UBLCP1: variants seen among roughly 807,000 people sequenced by gnomAD.
UBLCP1 encodes ubiquitin-like domain-containing CTD phosphatase 1.
In UBLCP1, 28 loss-of-function variants were observed where a neutral mutation model predicts 42.4. That is an observed-to-expected ratio of 0.66 (90% CI 0.49 to 0.90). UBLCP1 has a LOEUF of 0.90. UBLCP1 is among the 40% of genes least tolerant of loss of function. The pLI, the probability that UBLCP1 is intolerant of heterozygous loss-of-function variation, is 0.00. For missense variants in UBLCP1, 279 were observed against 374.5 expected (o/e 0.75, Z 2.10); for synonymous variants, 122 against 120.8 (o/e 1.01, Z -0.07).
intron 3 of UBLCP1, 86 bp downstream of exon 3, chr5:159,270,085 T>G: frequency 8.4e-7 from 1 of 1,193,130 alleles, no homozygotes; most frequent in Non-Finnish European, 1.2e-6. Flanking sequence ...TTAATTGTGG[T>G]AAAATTGTCA....
chr5:159,272,723 T>C (rs758388995), intron 6 of UBLCP1, among the ~76,000 whole-genome samples: 7 of 152,248 alleles, frequency 4.6e-5, no homozygotes, highest in Non-Finnish European at 1.0e-4. Flanking sequence ...GAAAAATTAA[T>C]ATGTGGACTA....
chr5:159,269,842 T>G, intron 2 of UBLCP1, 66 bp from the exon 3 acceptor site: 9 of 1,274,454 alleles, frequency 7.1e-6, no homozygotes, highest in Non-Finnish European at 1.0e-5. Context: ...TAGGGTTTTA[T>G]ATAATGGAAT....
At chr5:159,272,170 T>C (rs1310239063) in intron 6 of UBLCP1, 49 bp downstream of exon 6, 1 of 1,415,670 alleles carries the variant, frequency 7.1e-7, no homozygotes, top group African/African-American at 1.4e-5. Flanking sequence ...GGTTGTTCCA[T>C]ATATTATTGT....
intron 9 of UBLCP1, among the ~76,000 whole-genome samples, chr5:159,282,299 A>G (rs998276780): frequency 1.3e-5 from 2 of 152,156 alleles, no homozygotes; most frequent in African/African-American, 4.8e-5. Flanking sequence ...AAAGTGCATA[A>G]ATTTATAGTT....
Position 159,268,881 on chromosome 5 carries a change from T to C in UBLCP1, c.-35T>C. The stretch of plus-strand genomic sequence containing the variant: ...GTCTTCCTTTCCAGGTATTTTTTTT[T>C]CTGAAGGAAAGCTGCTTCCTCATAT... On this transcript the variant is annotated 5_prime_UTR_variant, in exon 2 of 11. Transcript: ENST00000296786. 1.3e-6 allele frequency: 2 copies of C among 1,590,910 alleles called. No individual in the cohort carries two copies. Among genetic ancestry groups the C allele is most frequent in the Non-Finnish European group, 1.7e-6 (2 of 1,173,230 alleles).
At chr5:159,275,663 C>T (rs576584142) in intron 8 of UBLCP1, among the ~76,000 whole-genome samples, 3 of 152,206 alleles carry the variant, frequency 2.0e-5, no homozygotes, top group South Asian at 2.1e-4. Context: ...CCGCCTGCCT[C>T]GGCCTCCCAA....
chr5:159,281,540 G>T (rs1753606678), intron 9 of UBLCP1, among the ~76,000 whole-genome samples: 1 of 152,152 alleles, frequency 6.6e-6, no homozygotes, highest in South Asian at 2.1e-4. Context: ...GATTTCTGAG[G>T]AGACTCCCTT....
rs112226814 is a variant in UBLCP1, at chr5:159,281,821, A to G, written c.802-1391A>G. Among the ~76,000 whole-genome samples, 1,414 of 151,828 alleles carry G rather than the reference A, an allele frequency of 9.3e-3. 10 individuals are homozygous for G. The highest frequency in any genetic ancestry group is 0.015 in the Non-Finnish European group (1,029 of 67,972). The stretch of plus-strand genomic sequence containing the variant: ...AAGTGACAATGATTAAATATCATTC[A>G]TTTTTCAGTGTTAACTGTGTAAAAT... On this transcript the variant is annotated intron_variant, in intron 9 of 10. Transcript: ENST00000296786.
At position 159,271,416 on chromosome 5, in the gene UBLCP1, C is replaced by T. The variant is rs371888289; in HGVS notation, c.449-607C>T. ...AAGACTGCAGTGAGCTATGGAGTGC[C>T]ACTGCACTCCAACCTGGGTGACAGA... is the stretch of plus-strand genomic sequence containing the variant. On this transcript the variant is annotated intron_variant, in intron 5 of 10. Coordinates refer to ENST00000296786, the MANE Select transcript of UBLCP1 (RefSeq NM_145049.5). Among the ~76,000 whole-genome samples, 24 of 152,062 alleles carry T rather than the reference C, an allele frequency of 1.6e-4. No homozygotes were observed. The East Asian group carries it at 2.5e-3, about 16-fold the overall frequency.
At chr5:159,272,670 T>C (rs1162188618) in intron 6 of UBLCP1, among the ~76,000 whole-genome samples, 2 of 152,196 alleles carry the variant, frequency 1.3e-5, no homozygotes, top group African/African-American at 4.8e-5. Flanking sequence ...AAAATCACAG[T>C]GATATAGTTC....
intron 1 of UBLCP1, among the ~76,000 whole-genome samples, chr5:159,266,720 G>C (rs1753398460): frequency 6.6e-6 from 1 of 152,184 alleles, no homozygotes; most frequent in African/African-American, 2.4e-5. Context: ...GCTGTGTGCA[G>C]CCTAGGGACT....
chr5:159,279,290 A>G (rs1024724660), intron 9 of UBLCP1, among the ~76,000 whole-genome samples: 1 of 152,274 alleles, frequency 6.6e-6, no homozygotes, highest in Non-Finnish European at 1.5e-5. Context: ...ATGCAACTGC[A>G]TGCAGTCTTA....
At chr5:159,271,265 A>G (rs1753461936) in intron 5 of UBLCP1, among the ~76,000 whole-genome samples, 1 of 151,820 alleles carries the variant, frequency 6.6e-6, no homozygotes, top group African/African-American at 2.4e-5. Context: ...GTTGGAAATC[A>G]ACCTGGGCAA....
At chr5:159,281,057 A>G (rs6887080) in intron 9 of UBLCP1, among the ~76,000 whole-genome samples, 41,777 of 152,178 alleles carry the variant, frequency 0.27, 6,201 homozygotes, top group South Asian at 0.32. Flanking sequence ...AGTGAAGTCA[A>G]TTAGGTGCAT....
chr5:159,268,711 C>T (rs1213474132), intron 1 of UBLCP1, among the ~76,000 whole-genome samples, 159 bp from the exon 2 acceptor site: 1 of 152,086 alleles, frequency 6.6e-6, no homozygotes, highest in Non-Finnish European at 1.5e-5. Flanking sequence ...ACTTTGAGTC[C>T]TAGTATCTTT....
At position 159,270,532 on chromosome 5, in the gene UBLCP1, G is replaced by C. The variant is rs1753450920; in HGVS notation, c.337G>C (p.Glu113Gln). Residue 113 changes from glutamate (E) to glutamine (Q), a missense_variant, in exon 5 of 11, where the codon GAA becomes CAA. Coordinates refer to ENST00000296786, the MANE Select transcript of UBLCP1 (RefSeq NM_145049.5). ...DEVVEVENRE[E>Q]NLLKISRRVK... ...TAATTATATGTTTTCCATTAGGGAA[G>C]AAAACCTACTGAAAATTTCTCGCAG... The C allele has an allele frequency of 6.2e-7, 1 of 1,609,104 alleles. No individual in the cohort carries two copies. The highest frequency in any genetic ancestry group is 8.5e-7 in the Non-Finnish European group (1 of 1,178,370).
intron 1 of UBLCP1, among the ~76,000 whole-genome samples, chr5:159,266,675 A>T (rs1048465952): frequency 2.6e-5 from 4 of 152,174 alleles, no homozygotes; most frequent in African/African-American, 9.6e-5. Flanking sequence ...CCAGGAAGGA[A>T]AAAAGGTTTC....
At chr5:159,271,908 T>C in intron 5 of UBLCP1, 115 bp from the exon 6 acceptor site, 1 of 659,978 alleles carries the variant, frequency 1.5e-6, no homozygotes, top group Middle Eastern at 4.0e-4. Flanking sequence ...TGAAGCAGTT[T>C]GCAATGAAAT....
At position 159,270,009 on chromosome 5, in the gene UBLCP1, T is replaced by G; in HGVS notation, c.246+10T>G. 6.3e-7 allele frequency: 1 copy of G among 1,592,556 alleles called. No individual in the cohort carries two copies. The highest frequency in any genetic ancestry group is 8.6e-7 in the Non-Finnish European group (1 of 1,165,048). ...TCGTGAGGAGAGCTTGGTAAATGTT[T>G]ACTTTTTGTTACCATTTGTCCATTT... is the stretch of plus-strand genomic sequence containing the variant. On this transcript the variant is annotated intron_variant, in intron 3 of 10. Coordinates refer to ENST00000296786, the MANE Select transcript of UBLCP1 (RefSeq NM_145049.5).
Sources: allele counts gnomAD v4.1 joint callset (sites outside exome capture counted in the v4.1 genomes callset), GRCh38; gene constraint gnomAD v4.1.1; transcripts MANE v1.5; gene names NCBI Gene and HGNC (gene_info 2026-07-23, HGNC 2026-07-21).